The following ELAPOR2 variants were observed in gnomAD, a reference collection of about 807,000 sequenced individuals.
The protein encoded by ELAPOR2 is endosome-lysosome associated apoptosis and autophagy regulator family member 2, also known as endosome/lysosome-associated apoptosis and autophagy regulator family member 2.
A neutral mutation model predicts 120.7 loss-of-function variants in ELAPOR2; 89 were observed. That is an observed-to-expected ratio of 0.74 (90% CI 0.62 to 0.88). The LOEUF is 0.88. Among genes scored for constraint, ELAPOR2 ranks in the 40% least tolerant of loss-of-function variants. The pLI, the probability that ELAPOR2 is intolerant of heterozygous loss-of-function variation, is 0.00. For missense variants in ELAPOR2, 1,134 were observed against 1,251.6 expected (o/e 0.91, Z 1.42); for synonymous variants, 444 against 444.9 (o/e 1.00, Z 0.03).
chr7:86,938,831 C>G lies in ELAPOR2; in HGVS notation c.977G>C (p.Cys326Ser). ...ACCTGAAAATTGAGAGTCGTCTTTA[C>G]ACCTTATACATTCTTTGGCTCCTTT... is the stretch of plus-strand genomic sequence containing the variant. ...SEKGAKECIR[C>S]KDDSQFSEEG... The change falls in exon 7 of 22, where the codon TGT becomes TCT. Residue 326 changes from cysteine to serine, a missense_variant. Physicochemically the swap from Cys to Ser is moderately radical, Grantham distance 112. Transcript: ENST00000450689. 6.2e-7 allele frequency: 1 copy of G among 1,613,154 alleles called. No homozygotes were observed. The highest frequency in any genetic ancestry group is 8.5e-7 in the Non-Finnish European group (1 of 1,179,356).
At chr7:86,896,700 T>C (rs78207555) in intron 19 of ELAPOR2, among the ~76,000 whole-genome samples, 8,907 of 152,236 alleles carry the variant, frequency 0.059, 872 homozygotes, top group African/African-American at 0.2. Flanking sequence ...TTTGTTTTTT[T>C]CATATGATAC....
In ELAPOR2 at chr7:86,914,833, C is replaced by A; in HGVS notation, c.1621G>T (p.Val541Leu). Residue 541 changes from valine to leucine, a missense_variant, in exon 13 of 22, where the codon GTA becomes TTA. Physicochemically the swap from Val to Leu is conservative, Grantham distance 32. This residue lies in a region of ELAPOR2 where 831 missense variants were observed against 867.6 expected (regional missense o/e 0.96). Transcript: ENST00000450689. Reference protein sequence around the residue: ...VDINRKSTNVVESWGGTKEKQ... With the variant: ...VDINRKSTNVLESWGGTKEKQ... ...TCTTTGGTTCCACCCCACGATTCTA[C>A]CACATTTGTACTTTTTCTATTAATA... 1 of 1,610,698 alleles carries A rather than the reference C, an allele frequency of 6.2e-7. No homozygotes were observed. The highest frequency in any genetic ancestry group is 2.2e-5 in the East Asian group (1 of 44,704).
At chr7:86,993,773 A>G (rs762838039) in intron 1 of ELAPOR2, among the ~76,000 whole-genome samples, 1 of 152,196 alleles carries the variant, frequency 6.6e-6, no homozygotes, top group Non-Finnish European at 1.5e-5. Context: ...ACTTGTACAC[A>G]ATCCCAACAC....
At chr7:86,887,499 T>A (rs1316235756) in intron 21 of ELAPOR2, among the ~76,000 whole-genome samples, 2 of 152,060 alleles carry the variant, frequency 1.3e-5, no homozygotes, top group East Asian at 3.9e-4. Flanking sequence ...GGTGTTGCTA[T>A]TCCAGTCTGA....
At position 86,880,098 on chromosome 7, in the gene ELAPOR2, C is replaced by T. The variant is rs1799325911; in HGVS notation, c.*373G>A. On this transcript the variant is annotated 3_prime_UTR_variant, in exon 22 of 22. Transcript: ENST00000450689. The stretch of plus-strand genomic sequence containing the variant: ...ATCATAATGCATATGCTCACATGTG[C>T]CTTCCAAATCACACTTGTTATGTAG... The T allele has an allele frequency of 5.6e-6, 1 of 178,574 alleles. No homozygotes were observed. Among genetic ancestry groups the T allele is most frequent in the South Asian group, 1.8e-4 (1 of 5,460 alleles). The allele number at this position is 178,574 out of a possible 1,614,324, so 11.1% of individuals were successfully genotyped here.
chr7:86,907,895 C>G (rs1050433643), intron 17 of ELAPOR2, 124 bp from the exon 18 acceptor site: 89 of 482,938 alleles, frequency 1.8e-4, no homozygotes, highest in Non-Finnish European at 2.8e-4. Context: ...TTAAAGTTCA[C>G]TAATTTGTAA....
At chr7:86,977,030 C>A (rs934513536) in intron 1 of ELAPOR2, among the ~76,000 whole-genome samples, 8 of 152,160 alleles carry the variant, frequency 5.3e-5, no homozygotes, top group Non-Finnish European at 7.3e-5. Flanking sequence ...CTAACAGATA[C>A]TTGAGATAGG....
chr7:86,993,793 A>T (rs1191884836), intron 1 of ELAPOR2, among the ~76,000 whole-genome samples: 1 of 152,164 alleles, frequency 6.6e-6, no homozygotes, highest in Admixed American at 6.5e-5. Flanking sequence ...CTCCAGACAA[A>T]CTAGTTTAAT....
intron 2 of ELAPOR2, among the ~76,000 whole-genome samples, chr7:86,959,727 A>G (rs1791630456): frequency 6.6e-6 from 1 of 152,052 alleles, no homozygotes; most frequent in South Asian, 2.1e-4. Flanking sequence ...AGTTTGCTGT[A>G]TTTTGCTCTA....
chr7:87,046,267 G>A (rs1794954595), intron 1 of ELAPOR2, among the ~76,000 whole-genome samples: 1 of 152,080 alleles, frequency 6.6e-6, no homozygotes, highest in Non-Finnish European at 1.5e-5. Flanking sequence ...TCTCTATAAT[G>A]AGAACTATAG....
At chr7:86,939,683 T>A (rs1162086891) in intron 6 of ELAPOR2, among the ~76,000 whole-genome samples, 1 of 152,118 alleles carries the variant, frequency 6.6e-6, no homozygotes, top group African/African-American at 2.4e-5. Context: ...GTAAGCCCAA[T>A]GTCTGGCACA....
chr7:86,890,613 A>G (rs1375110003), intron 21 of ELAPOR2, among the ~76,000 whole-genome samples: 1 of 152,028 alleles, frequency 6.6e-6, no homozygotes, highest in Non-Finnish European at 1.5e-5. Flanking sequence ...ACTGTCCTTC[A>G]TCTCTGACAT....
At chr7:87,001,817 C>T (rs1027610601) in intron 1 of ELAPOR2, among the ~76,000 whole-genome samples, 1 of 152,112 alleles carries the variant, frequency 6.6e-6, no homozygotes, top group African/African-American at 2.4e-5. Flanking sequence ...ACCTGAGTTA[C>T]CTAAATTTAA....
chr7:87,027,317 A>G (rs964794948), intron 1 of ELAPOR2, among the ~76,000 whole-genome samples: 4 of 152,136 alleles, frequency 2.6e-5, no homozygotes, highest in Non-Finnish European at 5.9e-5. Flanking sequence ...TATATCAGAA[A>G]AGCCACCTCC....
intron 10 of ELAPOR2, among the ~76,000 whole-genome samples, chr7:86,922,951 C>A (rs539851737): frequency 6.6e-6 from 1 of 151,680 alleles, no homozygotes; most frequent in East Asian, 1.9e-4. Flanking sequence ...TACAGTAAAC[C>A]AAATTTAAAA....
Position 86,986,353 on chromosome 7 carries a change from C to T in ELAPOR2, c.190-21329G>A, listed in dbSNP as rs1202986339. The stretch of plus-strand genomic sequence containing the variant: ...CTGAGGCAGGAGAATGGCGTGAACC[C>T]GGGAGGCGGAGCTTGCAGTGAGCCG... On this transcript the variant is annotated intron_variant, in intron 1 of 21. Coordinates refer to ENST00000450689, the MANE Select transcript of ELAPOR2 (RefSeq NM_001142749.3). Among the ~76,000 whole-genome samples the T allele has an allele frequency of 8.1e-5, 9 of 111,630 alleles. 2 individuals are homozygous for T. Among genetic ancestry groups the T allele is most frequent in the Non-Finnish European group, 5.4e-5 (3 of 55,558 alleles). The allele number at this position is 111,630 out of a possible 152,430, so 73.2% of individuals were successfully genotyped here. A position where few individuals can be genotyped will look rare whatever the true frequency, so the allele number is the denominator to read the frequency against.
At chr7:86,941,949 A>G (rs1790813946) in intron 5 of ELAPOR2, 69 bp downstream of exon 5, 2 of 875,120 alleles carry the variant, frequency 2.3e-6, no homozygotes, top group Non-Finnish European at 1.8e-6. Context: ...GTTGGGAAAG[A>G]AGAAAAGGTT....
rs1799274831 is a variant in ELAPOR2, at chr7:86,878,954, T to C, written c.*1517A>G. 1 of 152,150 alleles carries C rather than the reference T, an allele frequency of 6.6e-6. No individual in the cohort carries two copies. The highest frequency in any genetic ancestry group is 1.9e-4 in the East Asian group (1 of 5,198). The allele number at this position is 152,150 out of a possible 1,614,324, so 9.4% of individuals were successfully genotyped here. Reference sequence around the variant, plus strand: ...CCAATCAGCCAAATAAACACAATTATTCATTTTTCTCCCATTTTCCACAAA... The same window carrying C: ...CCAATCAGCCAAATAAACACAATTACTCATTTTTCTCCCATTTTCCACAAA... On this transcript the variant is annotated 3_prime_UTR_variant, in exon 22 of 22. Transcript: ENST00000450689.
chr7:86,956,890 T>C (rs1371756246), intron 2 of ELAPOR2, among the ~76,000 whole-genome samples: 2 of 152,202 alleles, frequency 1.3e-5, no homozygotes, highest in South Asian at 2.1e-4. Context: ...TTTTCTCAAC[T>C]TTCAATTATG....
Sources: allele counts gnomAD v4.1 joint callset (sites outside exome capture counted in the v4.1 genomes callset), GRCh38; gene constraint gnomAD v4.1.1; regional missense constraint gnomAD v4.1.1; transcripts MANE v1.5; gene names NCBI Gene and HGNC (gene_info 2026-07-23, HGNC 2026-07-21).